Variants in LPCAT1 observed in about 807,000 individuals in gnomAD.
The protein encoded by LPCAT1 is lysophosphatidylcholine acyltransferase 1.
In LPCAT1, 23 loss-of-function variants were observed where a neutral mutation model predicts 60.9. The ratio of observed to expected loss-of-function variants is 0.38; its 90% CI spans 0.27 to 0.53. LPCAT1 has a LOEUF of 0.53. LPCAT1 is among the 20% of genes least tolerant of loss of function. LPCAT1 has a pLI of 0.82. For missense variants in LPCAT1, 622 were observed against 723.6 expected, an observed-to-expected ratio of 0.86 and a Z score of 1.61; for synonymous variants, 340 against 301.1, an observed-to-expected ratio of 1.13 and a Z score of -1.34.
intron 3 of LPCAT1, 87 bp from the exon 4 acceptor site, chr5:1,489,945 C>A (rs1448349871): frequency 1.0e-6 from 1 of 955,460 alleles, no homozygotes; most frequent in African/African-American, 1.6e-5. Context: ...CTGCATGGCG[C>A]CCAGTGGGGC....
intron 5 of LPCAT1, among the ~76,000 whole-genome samples, chr5:1,486,824 G>C (rs945871836): frequency 6.6e-6 from 1 of 152,200 alleles, no homozygotes; most frequent in African/African-American, 2.4e-5. Context: ...CAGAACTCAT[G>C]GCTGGACCCA....
chr5:1,512,998 G>A (rs943716034), intron 1 of LPCAT1, among the ~76,000 whole-genome samples: 9 of 152,208 alleles, frequency 5.9e-5, no homozygotes, highest in Admixed American at 5.9e-4. Context: ...GGAAAAGGGC[G>A]TGGGGTGGAG....
chr5:1,523,703 C>A lies in LPCAT1; in HGVS notation c.135+7G>T. 3 of 1,113,838 alleles carry A rather than the reference C, an allele frequency of 2.7e-6. No individual in the cohort carries two copies. The highest frequency in any genetic ancestry group is 6.3e-5 in the South Asian group (2 of 31,796). 69.0% of individuals were successfully genotyped at this position (1,113,838 alleles called of 1,614,324 possible). On this transcript the variant is annotated splice_region_variant and intron_variant, in intron 1 of 13. Coordinates refer to ENST00000283415, the MANE Select transcript of LPCAT1 (RefSeq NM_024830.5). The surrounding 1 kb of genome is among the most constrained non-coding windows in gnomAD (Gnocchi z 7.1). ...GGCTCCCGGGGCCGCGCGCCCTGGG[C>A]ACCCACCTGGGCCTTCTGCAGGGCG...
chr5:1,481,007 T>C lies in LPCAT1; in HGVS notation c.727-31A>G. On this transcript the variant is annotated intron_variant, in intron 6 of 13. Transcript: ENST00000283415. The surrounding 1 kb of genome is among the most constrained non-coding windows in gnomAD (Gnocchi z 7.8). Reference sequence around the variant, plus strand: ...GAGGAAGAGGCAGGGTCAGTCAGCATGGGGCCTGCACCCAGGGCCTGCACC... The same window carrying C: ...GAGGAAGAGGCAGGGTCAGTCAGCACGGGGCCTGCACCCAGGGCCTGCACC... 1.2e-6 allele frequency: 2 copies of C among 1,613,050 alleles called. No individual in the cohort carries two copies. The highest frequency in any genetic ancestry group is 1.7e-6 in the Non-Finnish European group (2 of 1,179,838).
At position 1,496,531 on chromosome 5, in the gene LPCAT1, G is replaced by A. The variant is rs899195; in HGVS notation, c.279-1617C>T. Among the ~76,000 whole-genome samples, 36,388 of 151,842 alleles carry A rather than the reference G, an allele frequency of 0.24. 4,670 individuals are homozygous for A. Among genetic ancestry groups the A allele is most frequent in the East Asian group, 0.49 (2,503 of 5,156 alleles). On this transcript the variant is annotated intron_variant, in intron 2 of 13. Transcript: ENST00000283415. The surrounding 1 kb of genome is among the most constrained non-coding windows in gnomAD (Gnocchi z 4.7). ...GCGAGGCTGCAGAGGAGGCTGCGGC[G>A]GGCACAGGAGCCAGTCTCGGGCAGG...
intron 12 of LPCAT1, 103 bp downstream of exon 12, chr5:1,470,723 A>T: frequency 2.5e-6 from 2 of 813,160 alleles, no homozygotes; most frequent in Non-Finnish European, 3.8e-6. Context: ...TGGGCAAATG[A>T]TCAATTAACT....
chr5:1,500,236 T>C (rs1376275617), intron 2 of LPCAT1, among the ~76,000 whole-genome samples: 1 of 152,280 alleles, frequency 6.6e-6, no homozygotes, highest in Non-Finnish European at 1.5e-5. Context: ...TTGTCAGAGC[T>C]GTGGTTATAG....
intron 11 of LPCAT1, among the ~76,000 whole-genome samples, chr5:1,472,129 T>G (rs2937660): frequency 0.027 from 3,540 of 132,106 alleles, 137 homozygotes; most frequent in African/African-American, 0.099. Flanking sequence ...GGGGGAGGAC[T>G]CTGGCCAGAG....
At chr5:1,507,721 T>C (rs1736230560) in intron 1 of LPCAT1, among the ~76,000 whole-genome samples, 2 of 152,166 alleles carry the variant, frequency 1.3e-5, no homozygotes, top group Admixed American at 6.5e-5. Flanking sequence ...GCTCGAGGCC[T>C]ACCCAGCTCA....
intron 3 of LPCAT1, among the ~76,000 whole-genome samples, chr5:1,493,726 C>T (rs1735674638): frequency 6.6e-6 from 1 of 152,252 alleles, no homozygotes. Context: ...GGTGAGGGGC[C>T]ACGCAGGGCT....
chr5:1,514,552 C>CCA (rs1353943698), intron 1 of LPCAT1, among the ~76,000 whole-genome samples: 3 of 152,210 alleles, frequency 2.0e-5, no homozygotes, highest in Non-Finnish European at 4.4e-5. Context: ...ACCAAACGCC[C>CCA]CACACCCTGA....
Position 1,487,292 on chromosome 5 carries a change from T to C in LPCAT1, c.667+1099A>G, listed in dbSNP as rs1008879377. On this transcript the variant is annotated intron_variant, in intron 5 of 13. Transcript: ENST00000283415. This position sits in a 1 kb window ranked among gnomAD's most constrained non-coding sequence, Gnocchi z 6.1. ...CCCAGTGTGGTGGGGGCACACGGATTCGTGGTCACCGCGTGCCGCCTCCAC... is the reference window on the plus strand; with the variant it reads ...CCCAGTGTGGTGGGGGCACACGGATCCGTGGTCACCGCGTGCCGCCTCCAC... Among the ~76,000 whole-genome samples the C allele has an allele frequency of 1.3e-5, 2 of 152,218 alleles. No individual in the cohort carries two copies. The highest frequency in any genetic ancestry group is 3.9e-4 in the East Asian group (2 of 5,194).
At chr5:1,465,021 CAA>C (rs1236688022) in intron 13 of LPCAT1, among the ~76,000 whole-genome samples, 1 of 129,898 alleles carries the variant, frequency 7.7e-6, no homozygotes, top group Non-Finnish European at 1.8e-5. Flanking sequence ...ACACACAAAA[CAA>C]GCGCAGGCAC....
rs570111779 is a variant in LPCAT1 at position 1,477,375 on chromosome 5, G to A, written c.899+29C>T. On this transcript the variant is annotated intron_variant, in intron 9 of 13. Transcript: ENST00000283415. This position sits in a 1 kb window ranked among gnomAD's most constrained non-coding sequence, Gnocchi z 6.0. ...GCACTCTGGGAGACACCCCTGACTCGGCGATGGGGGAAGGAGCTGCTCACT... is the reference window on the plus strand; with the variant it reads ...GCACTCTGGGAGACACCCCTGACTCAGCGATGGGGGAAGGAGCTGCTCACT... The A allele has an allele frequency of 1.7e-4, 275 of 1,595,602 alleles. 4 individuals carry two copies. In the South Asian group the frequency reaches 2.8e-3, roughly 17 times the overall value.
At chr5:1,479,465 A>G in intron 8 of LPCAT1, 156 bp downstream of exon 8, 1 of 645,958 alleles carries the variant, frequency 1.5e-6, no homozygotes, top group East Asian at 2.7e-5. Flanking sequence ...TAAAGCAACC[A>G]GAGGCTCCTC....
At chr5:1,486,452 C>G (rs532630850) in intron 5 of LPCAT1, among the ~76,000 whole-genome samples, 1 of 152,252 alleles carries the variant, frequency 6.6e-6, no homozygotes, top group East Asian at 1.9e-4. Flanking sequence ...GGGATGAAGG[C>G]GGGGAGTCAG....
chr5:1,470,463 G>A (rs27053), intron 12 of LPCAT1, among the ~76,000 whole-genome samples: 120,066 of 152,166 alleles, frequency 0.79, 47,913 homozygotes, highest in African/African-American at 0.91. Context: ...CTCCTAAGCC[G>A]TGCTTTCTTC....
intron 2 of LPCAT1, among the ~76,000 whole-genome samples, chr5:1,497,584 C>G (rs928306526): frequency 8.5e-5 from 13 of 152,350 alleles, no homozygotes; most frequent in African/African-American, 2.9e-4. Flanking sequence ...TCCACGTGGA[C>G]TGGCTTAGCT....
intron 12 of LPCAT1, 110 bp from the exon 13 acceptor site, chr5:1,467,000 C>G: frequency 8.2e-7 from 1 of 1,212,422 alleles, no homozygotes; most frequent in Non-Finnish European, 1.1e-6. Flanking sequence ...CTGCTGGGCA[C>G]CTGCAGGGCC....
Sources: gnomAD v4.1 joint callset for allele counts (sites outside exome capture counted in the v4.1 genomes callset) on GRCh38, gnomAD v4.1.1 for gene constraint, Gnocchi (gnomAD v3.1) non-coding constraint, MANE v1.5 for transcripts, NCBI Gene and HGNC (gene_info 2026-07-23, HGNC 2026-07-21) for gene names.